TMEM272: variants seen among roughly 807,000 people sequenced by gnomAD.
The protein encoded by TMEM272 is long intergenic non-protein coding RNA 282.
A neutral mutation model predicts 3.7 loss-of-function variants in TMEM272; 8 were observed. The ratio of observed to expected loss-of-function variants is 2.17; its 90% CI spans 1.27 to 3.91. The LOEUF (loss-of-function observed/expected upper bound fraction) is 3.91, where lower values mean the gene tolerates loss of function less well. Among genes scored for constraint, TMEM272 ranks in the 30% most tolerant of loss-of-function variants. The pLI is 0.00. For synonymous variants in TMEM272, 63 were observed against 39.8 expected, an observed-to-expected ratio of 1.58 and a Z score of -2.20; for missense variants, 166 against 91.5, an observed-to-expected ratio of 1.81 and a Z score of -3.32.
At chr13:51,902,311 A>G in the TMEM272 span, among the ~76,000 whole-genome samples, 1 of 152,114 alleles carries the variant, frequency 6.6e-6, no homozygotes, top group African/African-American at 2.4e-5. Flanking sequence ...ATCACAACAC[A>G]TTTTGCCCTT....
chr13:51,888,107 G>A, the TMEM272 span, among the ~76,000 whole-genome samples: 14 of 149,632 alleles, frequency 9.4e-5, no homozygotes, highest in African/African-American at 2.0e-4. Context: ...GTGCAGTGGC[G>A]TAATCTCAGC....
At chr13:51,910,723 C>T in the TMEM272 span, 6 of 382,688 alleles carry the variant, frequency 1.6e-5, no homozygotes, top group East Asian at 1.3e-4. Flanking sequence ...CTCAAATCTG[C>T]GCCAGGCAAC....
At chr13:51,844,955 G>T (rs551301052) in intron 1 of TMEM272, 61 bp downstream of exon 1, 1 of 152,320 alleles carries the variant, frequency 6.6e-6, no homozygotes, top group Non-Finnish European at 1.5e-5. Flanking sequence ...ATGATTTCAA[G>T]AAACCCTCTG....
At chr13:51,915,615 C>T in the TMEM272 span, among the ~76,000 whole-genome samples, 1 of 152,186 alleles carries the variant, frequency 6.6e-6, no homozygotes, top group South Asian at 2.1e-4. Flanking sequence ...TGTCACCATG[C>T]CCCTGGGTGA....
At chr13:51,865,026 A>T in the TMEM272 span, among the ~76,000 whole-genome samples, 1 of 152,200 alleles carries the variant, frequency 6.6e-6, no homozygotes, top group African/African-American at 2.4e-5. Flanking sequence ...TTGATTTAAC[A>T]AACGTAAATT....
At chr13:51,929,449 C>T in the TMEM272 span, among the ~76,000 whole-genome samples, 2 of 152,172 alleles carry the variant, frequency 1.3e-5, no homozygotes, top group Admixed American at 1.3e-4. Context: ...ACTTGCATTT[C>T]TAGATGCATA....
intron 1 of TMEM272, among the ~76,000 whole-genome samples, chr13:51,844,111 ATGTC>A (rs1956283738): frequency 6.6e-6 from 1 of 151,942 alleles, no homozygotes; most frequent in Non-Finnish European, 1.5e-5. Context: ...GAAACTTTCT[ATGTC>A]TGTCTAACAT....
chr13:51,866,005 G>A, the TMEM272 span: 3 of 1,612,682 alleles, frequency 1.9e-6, no homozygotes, highest in African/African-American at 2.7e-5. Flanking sequence ...TTGCCGGAGA[G>A]CAGATGCTCG....
At chr13:51,909,469 C>A in the TMEM272 span, 1 of 892,080 alleles carries the variant, frequency 1.1e-6, no homozygotes, top group Non-Finnish European at 1.9e-6. Flanking sequence ...TGATATAACT[C>A]AGTCATTAAC....
chr13:51,863,542 G>C, the TMEM272 span, among the ~76,000 whole-genome samples: 1 of 152,056 alleles, frequency 6.6e-6, no homozygotes, highest in Non-Finnish European at 1.5e-5. Flanking sequence ...TGGTTGAGGA[G>C]AGAAGTCTGG....
Position 51,816,909 on chromosome 13 carries a change from G to A in TMEM272, c.406C>T (p.Pro136Ser). 1 of 703,032 alleles carries A rather than the reference G, an allele frequency of 1.4e-6. No homozygotes were observed. The highest frequency in any genetic ancestry group is 2.6e-6 in the Non-Finnish European group (1 of 385,008). 43.5% of individuals were successfully genotyped at this position (703,032 alleles called of 1,614,324 possible). The change falls in exon 5 of 5, where the codon CCC (proline) becomes TCC (serine). Residue 136 changes from proline to serine, a missense_variant. By Grantham distance (74) the Pro-to-Ser change is moderately conservative. Coordinates refer to ENST00000629372, the MANE Select transcript of TMEM272 (RefSeq NM_001351003.2). Reference protein sequence around the residue: ...VFSVYLPDFLPPFQQPQDYCD... With the variant: ...VFSVYLPDFLSPFQQPQDYCD... ...TAGTCCTGAGGCTGCTGGAAAGGGG[G>A]AAGAAAATCAGGCAGGTACACAGAA... is the stretch of plus-strand genomic sequence containing the variant.
At chr13:51,891,966 A>C in the TMEM272 span, among the ~76,000 whole-genome samples, 2 of 152,184 alleles carry the variant, frequency 1.3e-5, no homozygotes, top group African/African-American at 4.8e-5. Context: ...GTGTTAACCA[A>C]AATTCTGAAG....
At chr13:51,911,348 C>T in the TMEM272 span, among the ~76,000 whole-genome samples, 21 of 152,196 alleles carry the variant, frequency 1.4e-4, no homozygotes, top group East Asian at 3.8e-4. Flanking sequence ...GTCCCATGCA[C>T]GACTGAAAAA....
the TMEM272 span, among the ~76,000 whole-genome samples, chr13:51,858,240 T>G: frequency 6.6e-6 from 1 of 152,160 alleles, no homozygotes; most frequent in Non-Finnish European, 1.5e-5. Context: ...CTCAACCTAA[T>G]TCAGACATAG....
chr13:51,923,134 T>C, the TMEM272 span, among the ~76,000 whole-genome samples: 2 of 152,228 alleles, frequency 1.3e-5, no homozygotes, highest in African/African-American at 4.8e-5. Context: ...TGGAGCTGGC[T>C]GGATGATTCT....
the TMEM272 span, among the ~76,000 whole-genome samples, chr13:51,860,720 C>CAT: frequency 1.7e-4 from 12 of 69,236 alleles, no homozygotes; most frequent in Non-Finnish European, 1.7e-4. Context: ...TGTGTGCATA[C>CAT]ATATATATAT....
chr13:51,861,202 T>C, the TMEM272 span, among the ~76,000 whole-genome samples: 2 of 151,944 alleles, frequency 1.3e-5, no homozygotes, highest in South Asian at 4.2e-4. Context: ...AGCTGCTACG[T>C]GTGGGGAGTG....
chr13:51,916,519 T>G, the TMEM272 span, among the ~76,000 whole-genome samples: 6 of 152,234 alleles, frequency 3.9e-5, no homozygotes, highest in Non-Finnish European at 8.8e-5. Context: ...ACGTCTTATT[T>G]TAGTCTGCAT....
the TMEM272 span, among the ~76,000 whole-genome samples, chr13:51,928,846 T>C: frequency 1.3e-5 from 2 of 152,242 alleles, no homozygotes; most frequent in African/African-American, 4.8e-5. Context: ...TTTGGAGCCA[T>C]CAAAAATACT....
Sources: allele counts gnomAD v4.1 joint callset (sites outside exome capture counted in the v4.1 genomes callset), GRCh38; gene constraint gnomAD v4.1.1; transcripts MANE v1.5; gene names NCBI Gene and HGNC (gene_info 2026-07-23, HGNC 2026-07-21).